Variants in HNRNPL observed in about 807,000 individuals in gnomAD.
The protein encoded by HNRNPL is epididymis secretory sperm binding protein.
A neutral mutation model predicts 64.0 loss-of-function variants in HNRNPL; 12 were observed. That is an observed-to-expected ratio of 0.19 (90% CI 0.12 to 0.30). HNRNPL has a LOEUF of 0.30. Ranked by LOEUF, HNRNPL falls within the 10% of genes least tolerant of loss-of-function variation. The pLI is 1.00. For missense variants in HNRNPL, 484 were observed against 797.4 expected (o/e 0.61, Z 4.73); for synonymous variants, 385 against 313.0 (o/e 1.23, Z -2.43).
chr19:38,843,864 T>G lies in HNRNPL; in HGVS notation c.858A>C (p.Thr286=). 6.2e-7 allele frequency: 1 copy of G among 1,614,118 alleles called. No individual in the cohort carries two copies. Among genetic ancestry groups the G allele is most frequent in the Non-Finnish European group, 8.5e-7 (1 of 1,179,950 alleles). The stretch of plus-strand genomic sequence containing the variant: ...TACCTTGTCCACTGAGATTGGGGTT[T>G]GTGTAGTCCCAAGTATCCTGATCAT... ...FKNDQDTWDY[T]NPNLSGQGDP... Residue 286 remains threonine, a synonymous_variant, in exon 6 of 13, where the codon ACA becomes ACC. Transcript: ENST00000221419.
chr19:38,836,987 C>A, intron 12 of HNRNPL: 2 of 556,380 alleles, frequency 3.6e-6, no homozygotes, highest in African/African-American at 1.9e-5. Context: ...ATAGAGAATC[C>A]CATTCCTATC....
chr19:38,846,199 C>T (rs1040185797), intron 2 of HNRNPL, 109 bp from the exon 3 acceptor site: 11 of 828,940 alleles, frequency 1.3e-5, no homozygotes, highest in South Asian at 2.9e-5. Flanking sequence ...AACTCCTCTG[C>T]AACCCTATCA....
At position 38,840,334 on chromosome 19, in the gene HNRNPL, C is replaced by A; in HGVS notation, c.995G>T (p.Gly332Val). The A allele has an allele frequency of 1.3e-6, 2 of 1,547,944 alleles. No homozygotes were observed. The highest frequency in any genetic ancestry group is 1.7e-6 in the Non-Finnish European group (2 of 1,143,634). Reference sequence around the variant, plus strand: ...GTAGTGAGGTGGGGGGGGCCCGTAGCCCTCATCATGGTAATGGCTGTGGTA... The same window carrying A: ...GTAGTGAGGTGGGGGGGGCCCGTAGACCTCATCATGGTAATGGCTGTGGTA... Reference protein sequence around the residue: ...GGYHSHYHDEGYGPPPPHYEG... With the variant: ...GGYHSHYHDEVYGPPPPHYEG... The change falls in exon 8 of 13, where the codon GGC becomes GTC. Residue 332 changes from glycine (G) to valine (V), a missense_variant. By Grantham distance (109) the Gly-to-Val change is moderately radical. Around this residue, in one of 9 missense-constraint regions of HNRNPL, gnomAD observed 46 missense variants for 37.4 expected, o/e 1.23. Transcript: ENST00000221419.
rs1024505648 is a variant in HNRNPL, at chr19:38,848,209, G to C, written c.268-775C>G. On this transcript the variant is annotated intron_variant, in intron 1 of 12. Transcript: ENST00000221419. The stretch of plus-strand genomic sequence containing the variant: ...AGGTTCAAGCGATTCTCCTGCCTCA[G>C]CCTCCCGAGTAGCTGGAATTACAGG... Among the ~76,000 whole-genome samples the C allele has an allele frequency of 3.3e-5, 5 of 152,290 alleles. No homozygotes were observed. The East Asian group carries it at 5.8e-4, about 18-fold the overall frequency.
At chr19:38,845,607 G>A in intron 4 of HNRNPL, 43 bp downstream of exon 4, 1 of 1,498,618 alleles carries the variant, frequency 6.7e-7, no homozygotes, top group South Asian at 1.1e-5. Flanking sequence ...AGCCCTGCAA[G>A]AGTCCCTACC....
upstream of HNRNPL, chr19:38,851,006 C>T (rs1568377932): frequency 1.3e-5 from 2 of 152,452 alleles, no homozygotes; most frequent in African/African-American, 4.8e-5. Context: ...ATTAACAGGT[C>T]CCTGCCATCC....
At chr19:38,847,491 C>T in intron 1 of HNRNPL, 57 bp from the exon 2 acceptor site, 2 of 1,039,780 alleles carry the variant, frequency 1.9e-6, no homozygotes, top group South Asian at 3.6e-5. Context: ...TGACGCCCCA[C>T]TGGCCTCTGT....
chr19:38,845,703 G>A lies in HNRNPL; in HGVS notation c.657C>T (p.Gly219=), dbSNP rs374998432. 2.0e-5 allele frequency: 33 copies of A among 1,613,846 alleles called. No individual in the cohort carries two copies. In the African/African-American group the frequency reaches 3.1e-4, roughly 15 times the overall value. The stretch of plus-strand genomic sequence containing the variant: ...TGAAAATGACAATTCTCTGGACAGG[G>A]CCACAAGGATTACAGATAGTGTAAA... ...DVLYTICNPC[G]PVQRIVIFRK... Residue 219 remains glycine, a synonymous_variant, in exon 4 of 13, where the codon GGC becomes GGT. Transcript: ENST00000221419.
intron 12 of HNRNPL, 95 bp from the exon 13 acceptor site, chr19:38,836,875 G>T: frequency 1.1e-6 from 1 of 882,386 alleles, no homozygotes; most frequent in Non-Finnish European, 1.8e-6. Context: ...ATTTTCTGCA[G>T]GTCAACGGCA....
At chr19:38,847,692 G>T in intron 1 of HNRNPL, 1 of 261,138 alleles carries the variant, frequency 3.8e-6, no homozygotes, top group Non-Finnish European at 7.2e-6. Flanking sequence ...ACGGAGGGAG[G>T]GCCACACAAG....
At position 38,849,925 on chromosome 19, in the gene HNRNPL, CCGA is replaced by C; in HGVS notation, c.39_41del (p.Arg15del). ...CCGGCTGCTGCCTCTGCTCCAGCCG[CCGA>C]CGCCGCTTCTCCGCCCGGGGCAGCA... On this transcript the variant is annotated inframe_deletion, in exon 1 of 13. Transcript: ENST00000221419. 1 of 1,352,970 alleles carries C rather than the reference CCGA, an allele frequency of 7.4e-7. No individual in the cohort carries two copies. The highest frequency in any genetic ancestry group is 1.0e-6 in the Non-Finnish European group (1 of 1,004,710). 83.8% of individuals were successfully genotyped at this position (1,352,970 alleles called of 1,614,324 possible). A position where few individuals can be genotyped will look rare whatever the true frequency, so the allele number is the denominator to read the frequency against.
In HNRNPL at chr19:38,849,953, A is replaced by G. The variant is rs1427819001; in HGVS notation, c.14T>C (p.Leu5Pro). 11 of 1,348,244 alleles carry G rather than the reference A, an allele frequency of 8.2e-6. No homozygotes were observed. Among genetic ancestry groups the G allele is most frequent in the South Asian group, 1.7e-5 (1 of 60,576 alleles). The allele number at this position is 1,348,244 out of a possible 1,614,324, so 83.5% of individuals were successfully genotyped here. ...ACGCCGCTTCTCCGCCCGGGGCAGC[A>G]GCCTCCGCGACATGGCGGCGCAGAA... The part of the protein sequence containing the change: MSRR[L>P]LPRAEKRRRR... The change falls in exon 1 of 13, where the codon CTG becomes CCG. Residue 5 changes from leucine to proline, a missense_variant. Leu to Pro is a moderately conservative substitution (Grantham distance 98). This residue lies in a region of HNRNPL where 190 missense variants were observed against 160.1 expected (regional missense o/e 1.19). Transcript: ENST00000221419.
chr19:38,836,656 CA>C lies in HNRNPL; in HGVS notation c.*65del. On this transcript the variant is annotated 3_prime_UTR_variant, in exon 13 of 13. Coordinates refer to ENST00000221419, the MANE Select transcript of HNRNPL (RefSeq NM_001533.3). ...CAAGATCTTTTGCAAATAACAAAAA[CA>C]AAAAATGGCATAAAGGAAAGAGAAA... 1 of 362,026 alleles carries C rather than the reference CA, an allele frequency of 2.8e-6. No homozygotes were observed. The highest frequency in any genetic ancestry group is 4.3e-6 in the Non-Finnish European group (1 of 235,008). 22.4% of individuals were successfully genotyped at this position (362,026 alleles called of 1,614,324 possible).
intron 8 of HNRNPL, chr19:38,839,795 T>C (rs1348202169): frequency 3.2e-6 from 1 of 309,672 alleles, no homozygotes; most frequent in African/African-American, 2.2e-5. Context: ...CCTTAAACGA[T>C]GGTGTTTCAC....
rs765076257 is a variant in HNRNPL at position 38,843,794 on chromosome 19, G to A, written c.880+48C>T. ...CAGGCCTATTAAGTGCACTAGTCGA[G>A]TGAAAGCAAGGCGGGTATGTTTAGA... On this transcript the variant is annotated intron_variant, in intron 6 of 12. Transcript: ENST00000221419. 4 of 1,499,030 alleles carry A rather than the reference G, an allele frequency of 2.7e-6. No homozygotes were observed. The African/African-American group carries it at 4.1e-5, about 15-fold the overall frequency. 92.9% of individuals were successfully genotyped at this position (1,499,030 alleles called of 1,614,324 possible).
chr19:38,840,786 T>G lies in HNRNPL; in HGVS notation c.881-227A>C, dbSNP rs566584297. The G allele has an allele frequency of 1.6e-4, 87 of 554,276 alleles. 1 individual carries two copies. In the South Asian group the frequency reaches 2.1e-3, roughly 13 times the overall value. The allele number at this position is 554,276 out of a possible 1,614,324, so 34.3% of individuals were successfully genotyped here. A position where few individuals can be genotyped will look rare whatever the true frequency, so the allele number is the denominator to read the frequency against. ...CCCTGCTCATACCAAAGGGCTGGCCTTGTTCTGTGAAGGACAAGGCCAGAT... is the reference window on the plus strand; with the variant it reads ...CCCTGCTCATACCAAAGGGCTGGCCGTGTTCTGTGAAGGACAAGGCCAGAT... On this transcript the variant is annotated intron_variant, in intron 6 of 12. Coordinates refer to ENST00000221419, the MANE Select transcript of HNRNPL (RefSeq NM_001533.3).
upstream of HNRNPL, among the ~76,000 whole-genome samples, chr19:38,851,574 G>C (rs140135145): frequency 1.3e-5 from 2 of 152,222 alleles, no homozygotes; most frequent in Non-Finnish European, 2.9e-5. Flanking sequence ...GCTGATGGGG[G>C]ATTTCGAGTT....
intron 6 of HNRNPL, chr19:38,841,374 T>C (rs1484676396): frequency 5.7e-6 from 2 of 352,686 alleles, no homozygotes; most frequent in African/African-American, 4.3e-5. Flanking sequence ...TTGTTAACTT[T>C]TAACTGAGCA....
chr19:38,849,973 G>A lies in HNRNPL; in HGVS notation c.-7C>T. ...GCAGCAGCCTCCGCGACATGGCGGC[G>A]CAGAACCCGCCTCCCCCCGCCTCTC... On this transcript the variant is annotated 5_prime_UTR_variant, in exon 1 of 13. Coordinates refer to ENST00000221419, the MANE Select transcript of HNRNPL (RefSeq NM_001533.3). The A allele has an allele frequency of 3.0e-6, 4 of 1,327,398 alleles. No individual in the cohort carries two copies. Among genetic ancestry groups the A allele is most frequent in the Non-Finnish European group, 2.9e-6 (3 of 1,035,910 alleles). The allele number at this position is 1,327,398 out of a possible 1,614,324, so 82.2% of individuals were successfully genotyped here.
Sources: gnomAD v4.1 joint callset for allele counts (sites outside exome capture counted in the v4.1 genomes callset) on GRCh38, gnomAD v4.1.1 for gene constraint, gnomAD v4.1.1 regional missense constraint, MANE v1.5 for transcripts, NCBI Gene and HGNC (gene_info 2026-07-23, HGNC 2026-07-21) for gene names.